Variants in CDYL2 observed in about 807,000 individuals in gnomAD.
The protein encoded by CDYL2 is chromodomain Y-like protein 2.
In CDYL2, 23 loss-of-function variants were observed where a neutral mutation model predicts 49.4. The ratio of observed to expected loss-of-function variants is 0.47; its 90% CI spans 0.34 to 0.66. CDYL2 has a LOEUF of 0.66. CDYL2 is among the 30% of genes least tolerant of loss of function. The pLI, the probability that CDYL2 is intolerant of heterozygous loss-of-function variation, is 0.01. For missense variants in CDYL2, 678 were observed against 656.4 expected (o/e 1.03, Z -0.36); for synonymous variants, 360 against 268.8 (o/e 1.34, Z -3.32).
At chr16:80,636,274 C>T (rs963322176) in intron 2 of CDYL2, among the ~76,000 whole-genome samples, 14 of 152,084 alleles carry the variant, frequency 9.2e-5, no homozygotes, top group Non-Finnish European at 2.1e-4. Context: ...AACAGGCAAC[C>T]TACAGAATGG....
intron 1 of CDYL2, among the ~76,000 whole-genome samples, chr16:80,761,406 A>T (rs1006426429): frequency 3.9e-5 from 6 of 152,222 alleles, no homozygotes; most frequent in Admixed American, 6.5e-5. Flanking sequence ...TTGTAAGATT[A>T]TAACACACCC....
intron 1 of CDYL2, among the ~76,000 whole-genome samples, chr16:80,717,594 G>C (rs1352421403): frequency 1.3e-5 from 2 of 152,214 alleles, no homozygotes; most frequent in Non-Finnish European, 2.9e-5. Context: ...AGAGAAACTG[G>C]AGACTGAACC....
At chr16:80,629,588 C>G (rs770960801) in intron 3 of CDYL2, among the ~76,000 whole-genome samples, 7 of 152,188 alleles carry the variant, frequency 4.6e-5, no homozygotes, top group Admixed American at 6.5e-5. Context: ...ATCTGTTTCA[C>G]TGACTCTTTC....
intron 1 of CDYL2, among the ~76,000 whole-genome samples, chr16:80,768,591 C>G (rs1906805855): frequency 6.6e-6 from 1 of 152,178 alleles, no homozygotes. Context: ...CCTCTAGCCT[C>G]TCTATAAGGG....
intron 1 of CDYL2, among the ~76,000 whole-genome samples, chr16:80,748,919 T>C (rs905033765): frequency 7.2e-5 from 11 of 152,150 alleles, no homozygotes; most frequent in African/African-American, 2.4e-4. Context: ...AGAAAAGTCA[T>C]AGAAGGGGCT....
intron 1 of CDYL2, among the ~76,000 whole-genome samples, chr16:80,732,968 CTATT>C (rs1407319353): frequency 6.6e-6 from 1 of 152,068 alleles, no homozygotes; most frequent in Non-Finnish European, 1.5e-5. Flanking sequence ...GTATCATTAT[CTATT>C]TAGTGTCCCA....
intron 1 of CDYL2, among the ~76,000 whole-genome samples, chr16:80,723,057 C>A (rs80036093): frequency 6.6e-6 from 1 of 152,344 alleles, no homozygotes; most frequent in African/African-American, 2.4e-5. Flanking sequence ...CTGCCACACT[C>A]GGCAGGGCGC....
At chr16:80,677,375 T>C (rs923862911) in intron 2 of CDYL2, among the ~76,000 whole-genome samples, 2 of 152,214 alleles carry the variant, frequency 1.3e-5, no homozygotes, top group African/African-American at 4.8e-5. Context: ...ATCTAGGTTT[T>C]CAGATTGAGT....
At chr16:80,649,477 A>C (rs963966732) in intron 2 of CDYL2, among the ~76,000 whole-genome samples, 1 of 152,200 alleles carries the variant, frequency 6.6e-6, no homozygotes, top group Non-Finnish European at 1.5e-5. Context: ...TGACGAAAGA[A>C]ATTGAAGAGG....
At chr16:80,630,485 T>C (rs1907511411) in intron 3 of CDYL2, among the ~76,000 whole-genome samples, 1 of 152,206 alleles carries the variant, frequency 6.6e-6, no homozygotes, top group East Asian at 1.9e-4. Context: ...TAGGAAAAAC[T>C]GGTCTCTGCA....
At chr16:80,685,266 T>C (rs1378784145) in intron 1 of CDYL2, 137 bp from the exon 2 acceptor site, 5 of 662,938 alleles carry the variant, frequency 7.5e-6, no homozygotes, top group Admixed American at 2.8e-5. Context: ...AGCCATTCAA[T>C]GCCAGAAGCC....
At chr16:80,717,738 G>T (rs1019484106) in intron 1 of CDYL2, among the ~76,000 whole-genome samples, 1 of 152,214 alleles carries the variant, frequency 6.6e-6, no homozygotes, top group African/African-American at 2.4e-5. Flanking sequence ...GTAAAAGGCA[G>T]ACAGGAAATA....
chr16:80,670,345 T>G (rs1909449037), intron 2 of CDYL2, among the ~76,000 whole-genome samples: 1 of 152,050 alleles, frequency 6.6e-6, no homozygotes, highest in South Asian at 2.1e-4. Context: ...TCTCATGAGA[T>G]CTGATGGTTT....
At chr16:80,725,825 C>T (rs763723059) in intron 1 of CDYL2, among the ~76,000 whole-genome samples, 4 of 152,194 alleles carry the variant, frequency 2.6e-5, no homozygotes, top group African/African-American at 7.2e-5. Flanking sequence ...TTCTACGACC[C>T]GGATGAGGGA....
chr16:80,709,019 G>A (rs1248734545), intron 1 of CDYL2, among the ~76,000 whole-genome samples: 4 of 152,208 alleles, frequency 2.6e-5, no homozygotes, highest in East Asian at 1.9e-4. Context: ...GAACAGAAGC[G>A]TAAGGCGCCA....
At chr16:80,638,914 G>A (rs1018733654) in intron 2 of CDYL2, among the ~76,000 whole-genome samples, 1 of 151,578 alleles carries the variant, frequency 6.6e-6, no homozygotes, top group Non-Finnish European at 1.5e-5. Flanking sequence ...TAGGGAACTT[G>A]GGTTTGCAAT....
chr16:80,755,697 A>T (rs1266021851), intron 1 of CDYL2, among the ~76,000 whole-genome samples: 2 of 152,244 alleles, frequency 1.3e-5, no homozygotes, highest in South Asian at 4.1e-4. Context: ...CACAAAGAAC[A>T]TCTGACAACA....
At chr16:80,765,781 C>T (rs181595618) in intron 1 of CDYL2, among the ~76,000 whole-genome samples, 4 of 139,104 alleles carry the variant, frequency 2.9e-5, no homozygotes, top group Non-Finnish European at 4.6e-5. Flanking sequence ...TGTACTGTAC[C>T]GGTAGCTCTG....
chr16:80,705,461 A>C (rs1428429081), intron 1 of CDYL2, among the ~76,000 whole-genome samples: 1 of 152,232 alleles, frequency 6.6e-6, no homozygotes, highest in Non-Finnish European at 1.5e-5. Context: ...TAGGGAGCCC[A>C]TCTGCTTTCA....
Sources: allele counts gnomAD v4.1 joint callset (sites outside exome capture counted in the v4.1 genomes callset), GRCh38; gene constraint gnomAD v4.1.1; transcripts MANE v1.5; gene names NCBI Gene and HGNC (gene_info 2026-07-23, HGNC 2026-07-21).